The following NCF2 variants were observed in gnomAD, a reference collection of about 807,000 sequenced individuals.
The protein encoded by NCF2 is neutrophil cytosolic factor 2.
Under a neutral mutation model 70.9 loss-of-function variants are expected in NCF2, and 45 were observed. That is an observed-to-expected ratio of 0.63 (90% CI 0.50 to 0.81). The LOEUF (loss-of-function observed/expected upper bound fraction) is 0.81. NCF2 is among the 40% of genes least tolerant of loss of function. The pLI is 0.00. For missense variants in NCF2, 522 were observed against 631.6 expected, an observed-to-expected ratio of 0.83 and a Z score of 1.86; for synonymous variants, 203 against 233.6, an observed-to-expected ratio of 0.87 and a Z score of 1.19.
chr1:183,568,354 A>G (rs1179694901), intron 7 of NCF2, among the ~76,000 whole-genome samples: 2 of 151,878 alleles, frequency 1.3e-5, no homozygotes. Context: ...TTTAGTAGAC[A>G]TGGGGTTTTG....
chr1:183,571,811 G>C (rs1205453127), intron 5 of NCF2, among the ~76,000 whole-genome samples: 1 of 152,200 alleles, frequency 6.6e-6, no homozygotes, highest in Non-Finnish European at 1.5e-5. Context: ...AGTGCTTAGA[G>C]GCTGCACCAG....
chr1:183,587,031 G>C, intron 1 of NCF2, 54 bp from the exon 2 acceptor site: 1 of 1,519,356 alleles, frequency 6.6e-7, no homozygotes, highest in Non-Finnish European at 9.1e-7. Flanking sequence ...GAGGAGGTGT[G>C]AGATGAGCCA....
chr1:183,569,602 T>C (rs958900290), intron 6 of NCF2, among the ~76,000 whole-genome samples: 13 of 152,206 alleles, frequency 8.5e-5, no homozygotes. Flanking sequence ...AAAAAAATTT[T>C]TTTTGAGATG....
At chr1:183,577,384 T>C (rs1385840122) in intron 3 of NCF2, among the ~76,000 whole-genome samples, 1 of 152,222 alleles carries the variant, frequency 6.6e-6, no homozygotes, top group Non-Finnish European at 1.5e-5. Flanking sequence ...ATTAATAAAA[T>C]GTATGCCCCC....
chr1:183,564,735 TAAC>T (rs1368882929), intron 10 of NCF2, among the ~76,000 whole-genome samples: 3 of 152,182 alleles, frequency 2.0e-5, no homozygotes, highest in Admixed American at 6.5e-5. Context: ...AGACAAAAGA[TAAC>T]AACAAAAAAC....
chr1:183,584,126 G>A (rs1438946374), intron 2 of NCF2, among the ~76,000 whole-genome samples: 1 of 152,178 alleles, frequency 6.6e-6, no homozygotes, highest in Non-Finnish European at 1.5e-5. Context: ...AGAAATGGAG[G>A]CCAGCCATAT....
At chr1:183,581,658 G>T (rs1479970993) in intron 2 of NCF2, among the ~76,000 whole-genome samples, 1 of 144,402 alleles carries the variant, frequency 6.9e-6, no homozygotes, top group Admixed American at 7.0e-5. Flanking sequence ...ACGGGGAAGG[G>T]GCATCCTTGC....
intron 1 of NCF2, among the ~76,000 whole-genome samples, chr1:183,589,508 C>T (rs1198316468): frequency 4.6e-5 from 7 of 152,112 alleles, no homozygotes; most frequent in African/African-American, 1.4e-4. Flanking sequence ...AAATAATTAT[C>T]GAGAATGCTT....
At chr1:183,568,168 CT>C (rs1039117705) in intron 7 of NCF2, among the ~76,000 whole-genome samples, 76 of 145,580 alleles carry the variant, frequency 5.2e-4, no homozygotes, top group South Asian at 6.5e-4. Flanking sequence ...ACTTTTGTCA[CT>C]TTTTTTTTTT....
chr1:183,601,772 G>A, the NCF2 span, among the ~76,000 whole-genome samples: 2 of 152,044 alleles, frequency 1.3e-5, no homozygotes, highest in African/African-American at 2.4e-5. Flanking sequence ...GCAGAAGAAT[G>A]GCGTGAACCC....
In NCF2 at chr1:183,556,201, T is replaced by C. The variant is rs886045651; in HGVS notation, c.1498A>G (p.Lys500Glu). 24 of 1,614,190 alleles carry C rather than the reference T, an allele frequency of 1.5e-5. No individual in the cohort carries two copies. The highest frequency in any genetic ancestry group is 2.0e-5 in the Non-Finnish European group (24 of 1,180,026). Residue 500 changes from lysine to glutamate, a missense_variant, in exon 15 of 15, where the codon AAA becomes GAA. By Grantham distance (56) the Lys-to-Glu change is moderately conservative. Coordinates refer to ENST00000367535, the MANE Select transcript of NCF2 (RefSeq NM_000433.4). The part of the protein sequence containing the change: ...VNEEWLEGEC[K>E]GKVGIFPKVF... Reference sequence around the variant, plus strand: ...TTGGGGAAAATGCCCACCTTCCCTTTGCACTCCCCTTCCAGCCATTCTTCA... The same window carrying C: ...TTGGGGAAAATGCCCACCTTCCCTTCGCACTCCCCTTCCAGCCATTCTTCA...
chr1:183,574,294 C>T (rs548144373), intron 4 of NCF2, among the ~76,000 whole-genome samples, 193 bp downstream of exon 4: 2 of 152,126 alleles, frequency 1.3e-5, no homozygotes, highest in Non-Finnish European at 2.9e-5. Flanking sequence ...CAGGGCTCTG[C>T]CATCCCATAC....
At position 183,590,420 on chromosome 1, in the gene NCF2, GC is replaced by G. The variant is rs1256489922; in HGVS notation, c.-92del. Reference sequence around the variant, plus strand: ...CTCCCCTAGCAGGGCTGCCTTAGTGGCCCCCAAGGTGTTCACTTTCTGGGCC... The same window carrying G: ...CTCCCCTAGCAGGGCTGCCTTAGTGGCCCCAAGGTGTTCACTTTCTGGGCC... On this transcript the variant is annotated 5_prime_UTR_variant, in exon 1 of 15. Coordinates refer to ENST00000367535, the MANE Select transcript of NCF2 (RefSeq NM_000433.4). 7.0e-7 allele frequency: 1 copy of G among 1,436,584 alleles called. No homozygotes were observed. Among genetic ancestry groups the G allele is most frequent in the East Asian group, 2.3e-5 (1 of 43,408 alleles). 89.0% of individuals were successfully genotyped at this position (1,436,584 alleles called of 1,614,324 possible). A position where few individuals can be genotyped will look rare whatever the true frequency, so the allele number is the denominator to read the frequency against.
intron 9 of NCF2, among the ~76,000 whole-genome samples, chr1:183,566,376 C>T (rs542024029): frequency 2.0e-5 from 3 of 152,294 alleles, no homozygotes; most frequent in Admixed American, 6.5e-5. Flanking sequence ...GCAAGGCCCA[C>T]TCTGATTCAA....
At chr1:183,597,472 A>G in the NCF2 span, among the ~76,000 whole-genome samples, 1 of 152,206 alleles carries the variant, frequency 6.6e-6, no homozygotes, top group Non-Finnish European at 1.5e-5. Flanking sequence ...ATTTTTTAAA[A>G]AAATTTAGAT....
intron 10 of NCF2, 111 bp from the exon 11 acceptor site, chr1:183,564,141 A>G: frequency 2.8e-6 from 3 of 1,059,480 alleles, no homozygotes; most frequent in Non-Finnish European, 4.4e-6. Context: ...CCAACCTCTT[A>G]CCCTTTAATT....
intron 3 of NCF2, among the ~76,000 whole-genome samples, chr1:183,576,973 T>C (rs990511139): frequency 6.6e-6 from 1 of 152,202 alleles, no homozygotes; most frequent in Admixed American, 6.5e-5. Context: ...GCCAGTCATG[T>C]CTCTCCCTTT....
In NCF2 at chr1:183,590,433, T is replaced by G. The variant is rs1173369704; in HGVS notation, c.-104A>C. On this transcript the variant is annotated 5_prime_UTR_variant, in exon 1 of 15. Coordinates refer to ENST00000367535, the MANE Select transcript of NCF2 (RefSeq NM_000433.4). ...GCTGCCTTAGTGGCCCCCAAGGTGT[T>G]CACTTTCTGGGCCAGATGAGTAGAA... 2 of 1,310,500 alleles carry G rather than the reference T, an allele frequency of 1.5e-6. No individual in the cohort carries two copies. The highest frequency in any genetic ancestry group is 2.2e-6 in the Non-Finnish European group (2 of 918,356). 81.2% of individuals were successfully genotyped at this position (1,310,500 alleles called of 1,614,324 possible). A position where few individuals can be genotyped will look rare whatever the true frequency, so the allele number is the denominator to read the frequency against.
Position 183,563,534 on chromosome 1 carries a change from A to G in NCF2, c.1078T>C (p.Tyr360His). The G allele has an allele frequency of 6.2e-7, 1 of 1,614,050 alleles. No homozygotes were observed. Among genetic ancestry groups the G allele is most frequent in the Non-Finnish European group, 8.5e-7 (1 of 1,180,020 alleles). ...GGCTGAGTCTTCATGACTACCGTGTACTTGTAGTGCACCTTGAGTGTGTAG... is the reference window on the plus strand; with the variant it reads ...GGCTGAGTCTTCATGACTACCGTGTGCTTGTAGTGCACCTTGAGTGTGTAG... The part of the protein sequence containing the change: ...MPYTLKVHYK[Y>H]TVVMKTQPGL... The change falls in exon 12 of 15, where the codon TAC (tyrosine) becomes CAC (histidine). Residue 360 changes from tyrosine (Y) to histidine (H), a missense_variant. By Grantham distance (83) the Tyr-to-His change is moderately conservative. Transcript: ENST00000367535.
Sources: allele counts gnomAD v4.1 joint callset (sites outside exome capture counted in the v4.1 genomes callset), GRCh38; gene constraint gnomAD v4.1.1; transcripts MANE v1.5; gene names NCBI Gene and HGNC (gene_info 2026-07-23, HGNC 2026-07-21).